Variants in NECAB1 observed in about 807,000 individuals in gnomAD.
The protein encoded by NECAB1 is N-terminal EF-hand calcium-binding protein 1.
NECAB1 carries 29 observed loss-of-function variants against 57.5 expected under a neutral mutation model. The observed-to-expected ratio is 0.50, with a 90% CI of 0.38 to 0.69. NECAB1 has a LOEUF of 0.69. Among genes scored for constraint, NECAB1 ranks in the 30% least tolerant of loss-of-function variants. NECAB1 has a pLI of 0.00. For synonymous variants in NECAB1, 142 were observed against 147.7 expected (o/e 0.96, Z 0.28); for missense variants, 372 against 413.8 (o/e 0.90, Z 0.88).
At chr8:90,935,338 C>T (rs766341526) in intron 9 of NECAB1, among the ~76,000 whole-genome samples, 9 of 152,146 alleles carry the variant, frequency 5.9e-5, no homozygotes, top group Non-Finnish European at 1.3e-4. Context: ...ATCATGGCTG[C>T]TACTGTTAGA....
At chr8:90,800,567 A>G (rs1328150121) in intron 1 of NECAB1, among the ~76,000 whole-genome samples, 1 of 152,176 alleles carries the variant, frequency 6.6e-6, no homozygotes, top group Non-Finnish European at 1.5e-5. Flanking sequence ...TTTCCTCCCA[A>G]ACCCCTATTT....
chr8:90,795,876 A>G (rs1261613139), intron 1 of NECAB1, among the ~76,000 whole-genome samples: 1 of 152,204 alleles, frequency 6.6e-6, no homozygotes, highest in Admixed American at 6.5e-5. Context: ...AATTTAATGC[A>G]TGCTGGGCTT....
At chr8:90,854,304 G>A (rs929813115) in intron 3 of NECAB1, among the ~76,000 whole-genome samples, 1 of 152,074 alleles carries the variant, frequency 6.6e-6, no homozygotes, top group Admixed American at 6.6e-5. Flanking sequence ...GGGATAATGA[G>A]GAATGAAAAC....
At chr8:90,835,410 C>T (rs898994896) in intron 3 of NECAB1, among the ~76,000 whole-genome samples, 8 of 152,046 alleles carry the variant, frequency 5.3e-5, no homozygotes, top group African/African-American at 1.2e-4. Context: ...GGCTTATGTC[C>T]CTCCACTATC....
At chr8:90,889,557 T>C (rs916359082) in intron 5 of NECAB1, among the ~76,000 whole-genome samples, 1 of 152,228 alleles carries the variant, frequency 6.6e-6, no homozygotes, top group Non-Finnish European at 1.5e-5. Context: ...GGGTGATTCC[T>C]ATTCAGAGAT....
Position 90,820,983 on chromosome 8 carries a change from A to G in NECAB1, c.125-3734A>G, listed in dbSNP as rs552005528. Among the ~76,000 whole-genome samples the G allele has an allele frequency of 3.3e-5, 5 of 151,954 alleles. No homozygotes were observed. In the South Asian group the frequency reaches 1.0e-3, roughly 31 times the overall value. ...TAGCCAGGCATTTACGAAATCTGAA[A>G]CTTAAAGGAATTAGTTGGTACTTCC... On this transcript the variant is annotated intron_variant, in intron 2 of 12. Coordinates refer to ENST00000417640, the MANE Select transcript of NECAB1 (RefSeq NM_022351.5).
chr8:90,813,289 A>G (rs1811999921), intron 2 of NECAB1: 1 of 151,694 alleles, frequency 6.6e-6, no homozygotes, highest in South Asian at 2.1e-4. Flanking sequence ...AAGCAGTGAC[A>G]CATGAAACGA....
At chr8:90,953,904 TAAA>T (rs1290774162) in intron 12 of NECAB1, among the ~76,000 whole-genome samples, 3 of 151,596 alleles carry the variant, frequency 2.0e-5, no homozygotes, top group Non-Finnish European at 2.9e-5. Flanking sequence ...CTCTCTTTAC[TAAA>T]AAATACAAAA....
At chr8:90,947,592 G>C (rs1034030763) in intron 10 of NECAB1, among the ~76,000 whole-genome samples, 14 of 152,018 alleles carry the variant, frequency 9.2e-5, no homozygotes, top group African/African-American at 3.4e-4. Flanking sequence ...GTAGAGACAG[G>C]GTTTCACCAT....
chr8:90,914,300 A>G (rs1669466879), intron 5 of NECAB1, among the ~76,000 whole-genome samples: 1 of 152,244 alleles, frequency 6.6e-6, no homozygotes, highest in Non-Finnish European at 1.5e-5. Context: ...TAGGTAGGGA[A>G]GAAATGTCAC....
chr8:90,839,005 A>G (rs1237851029), intron 3 of NECAB1, among the ~76,000 whole-genome samples: 4 of 152,230 alleles, frequency 2.6e-5, no homozygotes, highest in Admixed American at 6.5e-5. Context: ...ATGTTATTGC[A>G]TATTGCCTAT....
chr8:90,860,649 T>G (rs2129808417), intron 3 of NECAB1, among the ~76,000 whole-genome samples: 1 of 152,166 alleles, frequency 6.6e-6, no homozygotes, highest in East Asian at 1.9e-4. Flanking sequence ...TATTCATAGC[T>G]TTTGTCAGAT....
At position 90,913,666 on chromosome 8, in the gene NECAB1, A is replaced by G. The variant is rs189345719; in HGVS notation, c.358-3826A>G. Among the ~76,000 whole-genome samples the G allele has an allele frequency of 6.1e-4, 93 of 152,312 alleles. 2 individuals carry two copies. The East Asian group carries it at 0.016, about 27-fold the overall frequency. On this transcript the variant is annotated intron_variant, in intron 5 of 12. Transcript: ENST00000417640. ...AATCTCTTTTTGTACCTTCGCTACC[A>G]ACACATTTGCTGAGAATTAAAAGGG...
chr8:90,801,785 C>A, intron 2 of NECAB1, 70 bp downstream of exon 2: 2 of 1,061,712 alleles, frequency 1.9e-6, no homozygotes, highest in Non-Finnish European at 1.4e-6. Context: ...AAATAATAAT[C>A]AGGAAAAAGG....
chr8:90,896,765 C>G (rs1048993832), intron 5 of NECAB1, among the ~76,000 whole-genome samples: 1 of 152,172 alleles, frequency 6.6e-6, no homozygotes, highest in Non-Finnish European at 1.5e-5. Flanking sequence ...CTACTCCACC[C>G]TGACTCATTC....
At chr8:90,905,453 A>C (rs186588973) in intron 5 of NECAB1, among the ~76,000 whole-genome samples, 1 of 152,340 alleles carries the variant, frequency 6.6e-6, no homozygotes, top group Non-Finnish European at 1.5e-5. Context: ...CAGAAGAGCA[A>C]GCCTGCACAG....
intron 9 of NECAB1, among the ~76,000 whole-genome samples, chr8:90,939,628 A>C (rs756923588): frequency 8.5e-5 from 13 of 152,238 alleles, no homozygotes; most frequent in Admixed American, 6.5e-5. Context: ...ATGTCCAACC[A>C]AGAGGTCCCT....
At chr8:90,885,832 A>G (rs1808971192) in intron 5 of NECAB1, among the ~76,000 whole-genome samples, 1 of 152,222 alleles carries the variant, frequency 6.6e-6, no homozygotes, top group South Asian at 2.1e-4. Flanking sequence ...TTTAGAGTTC[A>G]GCTGTGGCTC....
chr8:90,796,764 C>T (rs772622092), intron 1 of NECAB1, among the ~76,000 whole-genome samples: 19 of 152,082 alleles, frequency 1.2e-4, no homozygotes, highest in South Asian at 4.2e-4. Context: ...GATTCTCATC[C>T]GGAGTACATT....
Sources: allele counts gnomAD v4.1 joint callset (sites outside exome capture counted in the v4.1 genomes callset), GRCh38; gene constraint gnomAD v4.1.1; transcripts MANE v1.5; gene names NCBI Gene and HGNC (gene_info 2026-07-23, HGNC 2026-07-21).